The following BARX2 variants were observed in gnomAD, a reference collection of about 807,000 sequenced individuals.
BARX2 encodes homeobox protein BarH-like 2.
BARX2 carries 11 observed loss-of-function variants against 25.5 expected under a neutral mutation model. The observed-to-expected ratio is 0.43, with a 90% confidence interval of 0.27 to 0.71. The LOEUF is 0.71. Among genes scored for constraint, BARX2 ranks in the 30% least tolerant of loss-of-function variants. The pLI is 0.19. For missense variants in BARX2, 360 were observed against 359.9 expected, an observed-to-expected ratio of 1.00 and a Z score of 0.00; for synonymous variants, 137 against 149.5, an observed-to-expected ratio of 0.92 and a Z score of 0.61.
At chr11:129,411,659 AG>A (rs1861888477) in intron 1 of BARX2, among the ~76,000 whole-genome samples, 1 of 152,242 alleles carries the variant, frequency 6.6e-6, no homozygotes, top group Non-Finnish European at 1.5e-5. Context: ...CCAATTAGCA[AG>A]TCAAGAAGAA....
chr11:129,395,135 A>C (rs1004555753), intron 1 of BARX2, among the ~76,000 whole-genome samples: 1 of 152,186 alleles, frequency 6.6e-6, no homozygotes, highest in African/African-American at 2.4e-5. Context: ...TGTGCATCTT[A>C]ATTTATTTTA....
chr11:129,450,431 G>GT (rs1862383616), intron 3 of BARX2, among the ~76,000 whole-genome samples: 1 of 152,096 alleles, frequency 6.6e-6, no homozygotes, highest in Non-Finnish European at 1.5e-5. Flanking sequence ...CTAAGAATCT[G>GT]TTTTTTACAA....
Position 129,400,721 on chromosome 11 carries a change from T to C in BARX2, c.187+24499T>C, listed in dbSNP as rs556414267. Among the ~76,000 whole-genome samples the C allele has an allele frequency of 4.2e-4, 64 of 152,182 alleles. 1 individual carries two copies. In the South Asian group the frequency reaches 1.0e-2, roughly 24 times the overall value. ...GAGGATGACGTTGACAGGGATAAGA[T>C]TGAAGGCAGGAGAGCCTGTTGGGAG... On this transcript the variant is annotated intron_variant, in intron 1 of 3. Coordinates refer to ENST00000281437, the MANE Select transcript of BARX2 (RefSeq NM_003658.5).
intron 2 of BARX2, among the ~76,000 whole-genome samples, chr11:129,441,066 T>C (rs942217637): frequency 6.6e-6 from 1 of 152,240 alleles, no homozygotes. Flanking sequence ...GAGGTAGACC[T>C]GGGGTTCTTA....
At chr11:129,412,271 CA>C (rs112111155) in intron 1 of BARX2, among the ~76,000 whole-genome samples, 49 of 116,206 alleles carry the variant, frequency 4.2e-4, no homozygotes, top group South Asian at 7.8e-4. Flanking sequence ...GAATCCATCT[CA>C]AAAAAAAAAA....
At chr11:129,421,064 T>C (rs1448244674) in intron 1 of BARX2, among the ~76,000 whole-genome samples, 2 of 152,162 alleles carry the variant, frequency 1.3e-5, no homozygotes, top group Admixed American at 6.5e-5. Flanking sequence ...TAGACAGGAT[T>C]TGGCTCCGTG....
At chr11:129,438,695 G>A (rs548336438) in intron 2 of BARX2, among the ~76,000 whole-genome samples, 7 of 152,312 alleles carry the variant, frequency 4.6e-5, no homozygotes, top group African/African-American at 1.2e-4. Flanking sequence ...CAGGGATTAC[G>A]GGTCCAGAAA....
intron 1 of BARX2, among the ~76,000 whole-genome samples, chr11:129,407,996 T>C (rs2135396637): frequency 8.1e-6 from 1 of 123,922 alleles, no homozygotes; most frequent in East Asian, 2.2e-4. Context: ...GGTAAGGAGA[T>C]TGAGACAGAG....
intron 1 of BARX2, among the ~76,000 whole-genome samples, chr11:129,426,352 T>C (rs1459675273): frequency 1.3e-5 from 2 of 151,974 alleles, no homozygotes; most frequent in Admixed American, 6.6e-5. Context: ...AACCACCCTG[T>C]ATCTGTTTTC....
chr11:129,383,846 A>T (rs1861592836), intron 1 of BARX2, among the ~76,000 whole-genome samples: 1 of 152,102 alleles, frequency 6.6e-6, no homozygotes. Context: ...GGTATTGAGG[A>T]AAGATGAGTA....
intron 1 of BARX2, among the ~76,000 whole-genome samples, chr11:129,414,309 A>G (rs1362669253): frequency 2.0e-5 from 3 of 152,034 alleles, no homozygotes; most frequent in Non-Finnish European, 2.9e-5. Context: ...TCAGTTCTGG[A>G]TATAATTTAG....
chr11:129,430,584 T>G (rs1229176661), intron 1 of BARX2, among the ~76,000 whole-genome samples: 1 of 152,198 alleles, frequency 6.6e-6, no homozygotes, highest in Non-Finnish European at 1.5e-5. Context: ...AGAGCAAGTT[T>G]TGACAAATGC....
At chr11:129,411,596 T>A (rs572822127) in intron 1 of BARX2, among the ~76,000 whole-genome samples, 17 of 152,226 alleles carry the variant, frequency 1.1e-4, no homozygotes, top group Non-Finnish European at 2.2e-4. Context: ...GAAAAAGGGT[T>A]TACATACCCA....
chr11:129,423,270 C>A (rs1467790206), intron 1 of BARX2, among the ~76,000 whole-genome samples: 1 of 151,870 alleles, frequency 6.6e-6, no homozygotes, highest in Non-Finnish European at 1.5e-5. Context: ...GCACCTGCCA[C>A]CACGCCCGGC....
chr11:129,408,426 G>C (rs1011124561), intron 1 of BARX2, among the ~76,000 whole-genome samples: 8 of 152,148 alleles, frequency 5.3e-5, no homozygotes, highest in Non-Finnish European at 1.2e-4. Context: ...ACAGGCCCTA[G>C]AAGATAGCCA....
At chr11:129,428,397 C>T (rs1040629088) in intron 1 of BARX2, among the ~76,000 whole-genome samples, 14 of 152,140 alleles carry the variant, frequency 9.2e-5, no homozygotes, top group African/African-American at 2.7e-4. Flanking sequence ...CTAATGTATG[C>T]ATTAATTTAT....
Position 129,422,780 on chromosome 11 carries a change from G to A in BARX2, c.188-13971G>A, listed in dbSNP as rs117078359. 9.1e-3 allele frequency among the ~76,000 whole-genome samples: 1,345 copies of A among 147,954 alleles called. 53 individuals are homozygous for A. The East Asian group carries it at 0.12, about 13-fold the overall frequency. On this transcript the variant is annotated intron_variant, in intron 1 of 3. Transcript: ENST00000281437. ...GTGCAATGGCACCATCTCGGCTCAC[G>A]GAAACCTCTACCTCCCAGGTTCAAG... is the stretch of plus-strand genomic sequence containing the variant.
chr11:129,414,665 G>T (rs77327260), intron 1 of BARX2, among the ~76,000 whole-genome samples: 6,338 of 152,268 alleles, frequency 0.042, 480 homozygotes, highest in African/African-American at 0.14. Context: ...ACAGCACTGG[G>T]GAGAAGCAGG....
chr11:129,375,372 G>A (rs1371227004), upstream of BARX2, among the ~76,000 whole-genome samples: 1 of 152,188 alleles, frequency 6.6e-6, no homozygotes, highest in Non-Finnish European at 1.5e-5. This position sits in a 1 kb window ranked among gnomAD's most constrained non-coding sequence, Gnocchi z 4.0. Flanking sequence ...AGCCTAGTGA[G>A]GACTAGACTT....
Sources: gnomAD v4.1 joint callset for allele counts (sites outside exome capture counted in the v4.1 genomes callset) on GRCh38, gnomAD v4.1.1 for gene constraint, Gnocchi (gnomAD v3.1) non-coding constraint, MANE v1.5 for transcripts, NCBI Gene and HGNC (gene_info 2026-07-23, HGNC 2026-07-21) for gene names.